Variants in MCTP2 observed in about 807,000 individuals in gnomAD.
MCTP2 encodes the protein multiple C2 and transmembrane domain containing 2, also known as multiple C2 and transmembrane domain-containing protein 2.
In MCTP2, 132 loss-of-function variants were observed where a neutral mutation model predicts 111.6. The ratio of observed to expected loss-of-function variants is 1.18; its 90% CI spans 1.03 to 1.37. The LOEUF (loss-of-function observed/expected upper bound fraction) is 1.37, where lower values mean the gene tolerates loss of function less well. Among genes scored for constraint, MCTP2 ranks in the 40% most tolerant of loss-of-function variants. The pLI is 0.00. For missense variants in MCTP2, 1,183 were observed against 1,067.9 expected, an observed-to-expected ratio of 1.11 and a Z score of -1.50; for synonymous variants, 395 against 387.7, an observed-to-expected ratio of 1.02 and a Z score of -0.22.
At chr15:94,448,322 GAT>G (rs1477223134) in intron 19 of MCTP2, among the ~76,000 whole-genome samples, 2 of 152,078 alleles carry the variant, frequency 1.3e-5, no homozygotes, top group East Asian at 3.8e-4. Flanking sequence ...CTATTCTAAG[GAT>G]TGTAGTATAT....
chr15:94,398,375 A>G (rs763241379), intron 14 of MCTP2, among the ~76,000 whole-genome samples: 2 of 152,238 alleles, frequency 1.3e-5, no homozygotes, highest in Non-Finnish European at 2.9e-5. Context: ...GGTTCCCCAT[A>G]CATACCTTAT....
Position 94,244,500 on chromosome 15 carries a change from A to T in MCTP2, c.-66+12836A>T, listed in dbSNP as rs533781970. Among the ~76,000 whole-genome samples the T allele has an allele frequency of 2.0e-5, 3 of 147,526 alleles. No individual in the cohort carries two copies. In the South Asian group the frequency reaches 6.4e-4, roughly 31 times the overall value. ...TATGTTTATATACGTATATGTATACACATACATATGCACCTATATTTATAT... is the reference window on the plus strand; with the variant it reads ...TATGTTTATATACGTATATGTATACTCATACATATGCACCTATATTTATAT... On this transcript the variant is annotated intron_variant, in intron 1 of 22. Coordinates refer to ENST00000357742, the MANE Select transcript of MCTP2 (RefSeq NM_001385001.1).
chr15:94,379,499 G>T (rs2079977940), intron 12 of MCTP2, among the ~76,000 whole-genome samples: 1 of 151,666 alleles, frequency 6.6e-6, no homozygotes, highest in South Asian at 2.1e-4. Context: ...GAATTGTGTT[G>T]GTCCAGAAGT....
chr15:94,432,814 A>G (rs1194850055), intron 17 of MCTP2, among the ~76,000 whole-genome samples: 1 of 152,220 alleles, frequency 6.6e-6, no homozygotes, highest in Non-Finnish European at 1.5e-5. Flanking sequence ...AAAAGGACAG[A>G]ATCTTAAGAT....
intron 8 of MCTP2, among the ~76,000 whole-genome samples, chr15:94,354,326 A>G (rs932740419): frequency 6.6e-6 from 1 of 152,088 alleles, no homozygotes; most frequent in African/African-American, 2.4e-5. Flanking sequence ...TCTCATCTTG[A>G]ATTGTAATCC....
In MCTP2 at chr15:94,267,869, C is replaced by CT. The variant is rs755287019; in HGVS notation, c.-65-30318dup. ...GGTCTGGATTACTTTCCTTTTCTTT[C>CT]TTTTTTTTTTTTTTGAGACAGAGTC... On this transcript the variant is annotated intron_variant, in intron 1 of 22. Coordinates refer to ENST00000357742, the MANE Select transcript of MCTP2 (RefSeq NM_001385001.1). 1.3e-4 allele frequency among the ~76,000 whole-genome samples: 10 copies of CT among 77,456 alleles called. 1 individual carries two copies. Among genetic ancestry groups the CT allele is most frequent in the Admixed American group, 3.6e-4 (2 of 5,564 alleles). 50.8% of individuals were successfully genotyped at this position (77,456 alleles called of 152,430 possible).
intron 12 of MCTP2, among the ~76,000 whole-genome samples, chr15:94,374,310 G>A (rs2079638895): frequency 6.6e-6 from 1 of 152,214 alleles, no homozygotes. Context: ...CAGTACACAT[G>A]ACAACACCTA....
chr15:94,334,989 A>G (rs1014976280), intron 4 of MCTP2, among the ~76,000 whole-genome samples: 1 of 152,184 alleles, frequency 6.6e-6, no homozygotes, highest in Non-Finnish European at 1.5e-5. Flanking sequence ...TGCCCCTCCC[A>G]TGAAGTTCTA....
intron 4 of MCTP2, among the ~76,000 whole-genome samples, chr15:94,331,179 C>G (rs1009871264): frequency 6.6e-6 from 1 of 152,132 alleles, no homozygotes; most frequent in African/African-American, 2.4e-5. Flanking sequence ...AAAGTTATAG[C>G]TATTGATATT....
At chr15:94,427,067 A>C in intron 17 of MCTP2, among the ~76,000 whole-genome samples, 1 of 152,158 alleles carries the variant, frequency 6.6e-6, no homozygotes, top group East Asian at 1.9e-4. Context: ...TGCATGGCTT[A>C]AGAATTAGTA....
At chr15:94,435,777 G>A (rs1273511504) in intron 17 of MCTP2, among the ~76,000 whole-genome samples, 1 of 138,464 alleles carries the variant, frequency 7.2e-6, no homozygotes, top group Non-Finnish European at 1.6e-5. Context: ...GATTACAGGC[G>A]CCCGCCACTA....
intron 3 of MCTP2, chr15:94,314,811 G>A (rs2076307933): frequency 2.2e-6 from 1 of 453,720 alleles, no homozygotes; most frequent in South Asian, 1.6e-5. Context: ...TCTACAATAT[G>A]GCCAGCAGGA....
intron 19 of MCTP2, among the ~76,000 whole-genome samples, chr15:94,448,801 A>G (rs1462947322): frequency 6.6e-6 from 1 of 152,220 alleles, no homozygotes; most frequent in Non-Finnish European, 1.5e-5. Context: ...TTCTGAAAAT[A>G]GTAGCTATGT....
rs143674363 is a variant in MCTP2, at chr15:94,450,157, T to C, written c.2250+7197T>C. Among the ~76,000 whole-genome samples, 713 of 152,324 alleles carry C rather than the reference T, an allele frequency of 4.7e-3. 1 individual carries two copies. The highest frequency in any genetic ancestry group is 7.5e-3 in the Non-Finnish European group (508 of 68,030). On this transcript the variant is annotated intron_variant, in intron 19 of 22. Coordinates refer to ENST00000357742, the MANE Select transcript of MCTP2 (RefSeq NM_001385001.1). ...AAATACCAGTACAGTAAGTGCTTTA[T>C]GTAATGAACAGATAGAGCAATATAA...
At chr15:94,310,151 C>A (rs571642761) in intron 2 of MCTP2, among the ~76,000 whole-genome samples, 1 of 152,296 alleles carries the variant, frequency 6.6e-6, no homozygotes, top group East Asian at 1.9e-4. Flanking sequence ...AAAAGAATGA[C>A]GCAGATGACA....
intron 20 of MCTP2, among the ~76,000 whole-genome samples, chr15:94,465,209 A>G (rs761093088): frequency 6.6e-6 from 1 of 152,066 alleles, no homozygotes; most frequent in Non-Finnish European, 1.5e-5. Context: ...TTGCTAACAC[A>G]GTTTTTTCCT....
At chr15:94,346,139 C>T (rs12591385) in intron 8 of MCTP2, among the ~76,000 whole-genome samples, 38,612 of 151,568 alleles carry the variant, frequency 0.25, 5,592 homozygotes, top group African/African-American at 0.38. Context: ...ACCGAGAGAG[C>T]GAAAGAGAGA....
At chr15:94,330,521 T>C (rs184076164) in intron 4 of MCTP2, among the ~76,000 whole-genome samples, 127 of 151,156 alleles carry the variant, frequency 8.4e-4, no homozygotes, top group African/African-American at 3.0e-3. Flanking sequence ...TATTTTTTTT[T>C]CTCCTCTAAA....
chr15:94,300,465 G>A (rs1220253100), intron 2 of MCTP2, among the ~76,000 whole-genome samples: 2 of 148,768 alleles, frequency 1.3e-5, no homozygotes, highest in Admixed American at 6.7e-5. Flanking sequence ...AGCTAAGATC[G>A]CGCCACTGCA....
Sources: allele counts gnomAD v4.1 joint callset (sites outside exome capture counted in the v4.1 genomes callset), GRCh38; gene constraint gnomAD v4.1.1; transcripts MANE v1.5; gene names NCBI Gene and HGNC (gene_info 2026-07-23, HGNC 2026-07-21).